ZFYVE9: variants seen among roughly 807,000 people sequenced by gnomAD.
ZFYVE9 encodes zinc finger FYVE-type containing 9, also known as zinc finger FYVE domain-containing protein 9.
In ZFYVE9, 43 loss-of-function variants were observed where a neutral mutation model predicts 126.7. That is an observed-to-expected ratio of 0.34 (90% CI 0.27 to 0.44). The LOEUF (loss-of-function observed/expected upper bound fraction) is 0.44, where lower values mean the gene tolerates loss of function less well. Ranked by LOEUF, ZFYVE9 falls within the 20% of genes least tolerant of loss-of-function variation. The pLI, the probability that ZFYVE9 is intolerant of heterozygous loss-of-function variation, is 1.00. For synonymous variants in ZFYVE9, 521 were observed against 597.4 expected, an observed-to-expected ratio of 0.87 and a Z score of 1.87; for missense variants, 1,476 against 1,697.0, an observed-to-expected ratio of 0.87 and a Z score of 2.29.
chr1:52,266,764 A>G lies in ZFYVE9; in HGVS notation c.2388A>G (p.Gly796=), dbSNP rs1220407575. ...CCTTGCAGCAAGCTCAGGCCTCAGG[A>G]GCTCTGAGCTCTCCACCTCCCACTG... ...IPPLQQAQAS[G]ALSSPPPTVM... is the part of the protein sequence containing the mutation. The change falls in exon 6 of 19, where the codon GGA becomes GGG. Residue 796 remains glycine (G), a synonymous_variant. Transcript: ENST00000287727. 1 of 1,611,864 alleles carries G rather than the reference A, an allele frequency of 6.2e-7. No individual in the cohort carries two copies. Among genetic ancestry groups the G allele is most frequent in the Non-Finnish European group, 8.5e-7 (1 of 1,179,138 alleles).
chr1:52,281,514 C>A, intron 9 of ZFYVE9, 147 bp from the exon 10 acceptor site: 1 of 882,536 alleles, frequency 1.1e-6, no homozygotes, highest in Non-Finnish European at 1.7e-6. Context: ...TGGCTCAATG[C>A]AGTGACAGTT....
At chr1:52,305,697 G>A (rs566759331) in intron 13 of ZFYVE9, among the ~76,000 whole-genome samples, 2 of 152,230 alleles carry the variant, frequency 1.3e-5, no homozygotes, top group Admixed American at 6.5e-5. Context: ...CCATGGAGCA[G>A]GCAGGAGCTC....
chr1:52,336,779 A>G (rs1220731201), intron 15 of ZFYVE9, among the ~76,000 whole-genome samples: 1 of 151,898 alleles, frequency 6.6e-6, no homozygotes, highest in African/African-American at 2.4e-5. Context: ...CACCCCTTAA[A>G]TGTTGTTAAA....
intron 3 of ZFYVE9, among the ~76,000 whole-genome samples, chr1:52,235,862 CTCCTA>C (rs1292208087): frequency 1.3e-5 from 2 of 152,138 alleles, no homozygotes; most frequent in Admixed American, 1.3e-4. Flanking sequence ...TATTTTTCTA[CTCCTA>C]CATAATAGTT....
At chr1:52,285,466 G>A (rs914339790) in intron 10 of ZFYVE9, among the ~76,000 whole-genome samples, 9 of 152,144 alleles carry the variant, frequency 5.9e-5, no homozygotes, top group Non-Finnish European at 1.3e-4. Context: ...CATTGCTCAC[G>A]TTAGCGCCTG....
chr1:52,280,703 A>G (rs1645794579), intron 9 of ZFYVE9, among the ~76,000 whole-genome samples: 1 of 152,306 alleles, frequency 6.6e-6, no homozygotes, highest in Admixed American at 6.5e-5. Flanking sequence ...TAGTTCAGAA[A>G]AGCCATCCTT....
chr1:52,180,259 C>T, intron 1 of ZFYVE9: 2 of 1,602,232 alleles, frequency 1.2e-6, no homozygotes, highest in South Asian at 1.1e-5. Context: ...AGGAAGTTTC[C>T]TGATGTCAAA....
At chr1:52,300,316 G>T (rs889865599) in intron 12 of ZFYVE9, among the ~76,000 whole-genome samples, 1 of 152,178 alleles carries the variant, frequency 6.6e-6, no homozygotes, top group East Asian at 1.9e-4. Flanking sequence ...TCTTGGCTGG[G>T]CGTAGTGGCT....
intron 1 of ZFYVE9, among the ~76,000 whole-genome samples, chr1:52,211,851 C>T (rs1326673052): frequency 1.3e-5 from 2 of 151,892 alleles, no homozygotes; most frequent in African/African-American, 2.4e-5. Flanking sequence ...AAATTTTCAC[C>T]CTCACAAATA....
chr1:52,250,768 G>A (rs1445609096), intron 4 of ZFYVE9, among the ~76,000 whole-genome samples: 1 of 150,914 alleles, frequency 6.6e-6, no homozygotes, highest in African/African-American at 2.4e-5. Context: ...TGAGTGCACT[G>A]CCATGATCTC....
chr1:52,196,290 T>C (rs536375474), intron 1 of ZFYVE9, among the ~76,000 whole-genome samples: 1 of 152,306 alleles, frequency 6.6e-6, no homozygotes, highest in East Asian at 1.9e-4. Flanking sequence ...GTGGTTCTTT[T>C]AAGGAGTCTT....
At position 52,237,973 on chromosome 1, in the gene ZFYVE9, G is replaced by C. The variant is rs1645291401; in HGVS notation, c.556G>C (p.Asp186His). 2 of 1,613,862 alleles carry C rather than the reference G, an allele frequency of 1.2e-6. No homozygotes were observed. The highest frequency in any genetic ancestry group is 1.7e-6 in the Non-Finnish European group (2 of 1,179,964). ...TATGGATGCTTTTAGCTGTTCACTG[G>C]ATAATGAAAACAGACAAACTGATCA... is the stretch of plus-strand genomic sequence containing the variant. ...SLMDAFSCSL[D>H]NENRQTDQFS... The change falls in exon 4 of 19, where the codon GAT becomes CAT. Residue 186 changes from aspartate (D) to histidine (H), a missense_variant. Physicochemically the swap from Asp to His is moderately conservative, Grantham distance 81 (BLOSUM62 -1). Transcript: ENST00000287727.
At chr1:52,219,527 T>C (rs1382578458) in intron 2 of ZFYVE9, among the ~76,000 whole-genome samples, 1 of 151,932 alleles carries the variant, frequency 6.6e-6, no homozygotes, top group East Asian at 1.9e-4. Flanking sequence ...CTTTCCTTCT[T>C]TCCAACATAT....
chr1:52,309,179 A>G (rs1646114209), intron 13 of ZFYVE9, among the ~76,000 whole-genome samples: 1 of 152,210 alleles, frequency 6.6e-6, no homozygotes, highest in Non-Finnish European at 1.5e-5. Flanking sequence ...ATAACTAGGC[A>G]CTAGAAAGAG....
At chr1:52,150,771 TAAAA>T (rs796794662) in intron 1 of ZFYVE9, among the ~76,000 whole-genome samples, 2 of 135,012 alleles carry the variant, frequency 1.5e-5, no homozygotes, top group African/African-American at 5.5e-5. Context: ...CATACTGTCT[TAAAA>T]AAAAAAAAAA....
intron 2 of ZFYVE9, among the ~76,000 whole-genome samples, chr1:52,221,248 C>A (rs776163494): frequency 6.6e-6 from 1 of 152,122 alleles, no homozygotes; most frequent in Non-Finnish European, 1.5e-5. Flanking sequence ...CCTGTTGTAC[C>A]TTTTTCCTTC....
rs149699758 is a variant in ZFYVE9, at chr1:52,281,774, A to G, written c.2983A>G (p.Ile995Val). ...GGATGAAAAGTGTTTGCCAAAGGAT[A>G]TCTTTAATCACTTTGTGCAGCTTTA... is the stretch of plus-strand genomic sequence containing the variant. ...LPDEKCLPKD[I>V]FNHFVQLYRD... is the part of the protein sequence containing the mutation. Residue 995 changes from isoleucine to valine, a missense_variant, in exon 10 of 19, where the codon ATC (isoleucine) becomes GTC (valine). Physicochemically the swap from Ile to Val is conservative, Grantham distance 29 (BLOSUM62 3). Around this residue, in one of 2 missense-constraint regions of ZFYVE9, gnomAD observed 669 missense variants for 902.4 expected, o/e 0.74. Transcript: ENST00000287727. The G allele has an allele frequency of 8.8e-5, 142 of 1,614,212 alleles. No homozygotes were observed. In the African/African-American group the frequency reaches 1.5e-3, roughly 17 times the overall value.
At chr1:52,319,153 G>A (rs1311181232) in intron 13 of ZFYVE9, among the ~76,000 whole-genome samples, 2 of 152,090 alleles carry the variant, frequency 1.3e-5, no homozygotes, top group East Asian at 3.9e-4. Context: ...TTTCTTAAAT[G>A]ATCTGTAATA....
In ZFYVE9 at chr1:52,144,261, G is replaced by C. The variant is rs141138145; in HGVS notation, c.-143+1858G>C. Among the ~76,000 whole-genome samples, 146 of 152,232 alleles carry C rather than the reference G, an allele frequency of 9.6e-4. No homozygotes were observed. In the East Asian group the frequency reaches 0.015, roughly 16 times the overall value. On this transcript the variant is annotated intron_variant, in intron 1 of 18. Transcript: ENST00000287727. ...TTGAACCTGGGAGGCAGACGTTGCA[G>C]TGAGCCAAGATTGGGCCACTGACTC...
Sources: allele counts gnomAD v4.1 joint callset (sites outside exome capture counted in the v4.1 genomes callset), GRCh38; gene constraint gnomAD v4.1.1; regional missense constraint gnomAD v4.1.1; transcripts MANE v1.5; gene names NCBI Gene and HGNC (gene_info 2026-07-23, HGNC 2026-07-21).